Variants in STAP1 observed in about 807,000 individuals in gnomAD.
STAP1 encodes the protein signal-transducing adaptor protein 1.
A neutral mutation model predicts 37.8 loss-of-function variants in STAP1; 30 were observed. The ratio of observed to expected loss-of-function variants is 0.79; its 90% CI spans 0.59 to 1.08. STAP1 has a LOEUF of 1.08. Among genes scored for constraint, STAP1 ranks in the 50% least tolerant of loss-of-function variants. STAP1 has a pLI of 0.00. For missense variants in STAP1, 357 were observed against 349.4 expected (o/e 1.02, Z -0.17); for synonymous variants, 130 against 116.0 (o/e 1.12, Z -0.78).
intron 6 of STAP1, 129 bp downstream of exon 6, chr4:67,583,831 G>A: frequency 9.3e-7 from 1 of 1,074,506 alleles, no homozygotes. Flanking sequence ...GGGTGCGGTG[G>A]CTCACGCCTG....
At chr4:67,577,795 T>TG (rs1727760312) in intron 4 of STAP1, among the ~76,000 whole-genome samples, 1 of 151,804 alleles carries the variant, frequency 6.6e-6, no homozygotes, top group Admixed American at 6.6e-5. Context: ...ATTACAGGCA[T>TG]GCACCATCAT....
Position 67,582,301 on chromosome 4 carries a change from G to GTT in STAP1, c.530+839_530+840dup, listed in dbSNP as rs368595773. 3.0e-3 allele frequency among the ~76,000 whole-genome samples: 442 copies of GTT among 148,086 alleles called. 1 individual carries two copies. Among genetic ancestry groups the GTT allele is most frequent in the African/African-American group, 4.2e-3 (170 of 40,486 alleles). ...AGAGATATTTGCTATTAACATTTTA[G>GTT]TTTTTTTTTTGTTTTTTTTGTTTTT... On this transcript the variant is annotated intron_variant, in intron 5 of 8. Transcript: ENST00000265404.
intron 1 of STAP1, among the ~76,000 whole-genome samples, chr4:67,563,689 C>A (rs939319506): frequency 3.3e-5 from 5 of 152,080 alleles, no homozygotes; most frequent in South Asian, 2.1e-4. Flanking sequence ...AGCAACAGAG[C>A]GAGACCCTGT....
intron 5 of STAP1, among the ~76,000 whole-genome samples, chr4:67,581,991 T>C (rs1727871281): frequency 6.6e-6 from 1 of 152,188 alleles, no homozygotes; most frequent in Non-Finnish European, 1.5e-5. Context: ...ATTTATTTTT[T>C]ATATTATTGA....
At chr4:67,560,392 A>T (rs138929792) in intron 1 of STAP1, among the ~76,000 whole-genome samples, 3 of 152,296 alleles carry the variant, frequency 2.0e-5, no homozygotes, top group African/African-American at 7.2e-5. Flanking sequence ...TTATTCACTC[A>T]ACATTTATTG....
At chr4:67,602,983 C>T (rs1327474683) in intron 8 of STAP1, among the ~76,000 whole-genome samples, 5 of 152,118 alleles carry the variant, frequency 3.3e-5, no homozygotes, top group Admixed American at 2.0e-4. Context: ...TGAGCTCCTC[C>T]ACACCAGACC....
At chr4:67,574,932 G>A (rs908184369) in intron 2 of STAP1, among the ~76,000 whole-genome samples, 9 of 152,186 alleles carry the variant, frequency 5.9e-5, no homozygotes, top group South Asian at 4.1e-4. Context: ...ATGACCTCAC[G>A]GAGCATGTAG....
chr4:67,602,353 TTTAG>T (rs1423198377), intron 8 of STAP1, among the ~76,000 whole-genome samples: 2 of 152,202 alleles, frequency 1.3e-5, no homozygotes, highest in Non-Finnish European at 2.9e-5. Flanking sequence ...TGGTGCTTTA[TTTAG>T]TTCATTTTGT....
chr4:67,605,419 T>G (rs1222664985), intron 8 of STAP1, among the ~76,000 whole-genome samples: 2 of 150,522 alleles, frequency 1.3e-5, no homozygotes, highest in Admixed American at 1.3e-4. Context: ...TTAAGGATTT[T>G]AGAAACAGAC....
chr4:67,584,929 T>C (rs1395252428), intron 6 of STAP1, among the ~76,000 whole-genome samples: 7 of 152,190 alleles, frequency 4.6e-5, no homozygotes, highest in Admixed American at 4.6e-4. Flanking sequence ...TTTGTCAAGG[T>C]TACTAATTTC....
rs184677134 is a variant in STAP1, at chr4:67,559,379, A to G, written c.120+450A>G. On this transcript the variant is annotated intron_variant, in intron 1 of 8. Transcript: ENST00000265404. ...ATTTGAAGTTTATAATGATCAAATT[A>G]TTAAAAATGGCTTTTGTAAAAATTG... Among the ~76,000 whole-genome samples the G allele has an allele frequency of 2.0e-5, 3 of 152,264 alleles. No homozygotes were observed. The East Asian group carries it at 5.8e-4, about 29-fold the overall frequency.
intron 6 of STAP1, among the ~76,000 whole-genome samples, chr4:67,585,378 A>T (rs769207919): frequency 6.6e-6 from 1 of 152,258 alleles, no homozygotes; most frequent in Non-Finnish European, 1.5e-5. Context: ...CAAATTTAAA[A>T]CATGGCATTA....
intron 6 of STAP1, among the ~76,000 whole-genome samples, chr4:67,589,102 C>G (rs1000960660): frequency 6.6e-6 from 1 of 152,160 alleles, no homozygotes; most frequent in Non-Finnish European, 1.5e-5. Context: ...CAACGAACAG[C>G]AATCCCTTAT....
chr4:67,588,231 C>A (rs1728033832), intron 6 of STAP1, among the ~76,000 whole-genome samples: 1 of 151,886 alleles, frequency 6.6e-6, no homozygotes, highest in Admixed American at 6.6e-5. Flanking sequence ...TAAGCAACTT[C>A]AATGGATTTT....
At chr4:67,588,039 T>TAA (rs3032636) in intron 6 of STAP1, among the ~76,000 whole-genome samples, 2,299 of 85,584 alleles carry the variant, frequency 0.027, 175 homozygotes, top group African/African-American at 0.045. Context: ...CACATTTTCT[T>TAA]AAAAAAAAAA....
chr4:67,604,685 T>C (rs897370644), intron 8 of STAP1, among the ~76,000 whole-genome samples: 1 of 152,224 alleles, frequency 6.6e-6, no homozygotes, highest in East Asian at 1.9e-4. Context: ...TAATTCCTGG[T>C]TTTTCATATA....
intron 1 of STAP1, among the ~76,000 whole-genome samples, chr4:67,561,191 T>C (rs1727330252): frequency 6.6e-6 from 1 of 152,152 alleles, no homozygotes; most frequent in Non-Finnish European, 1.5e-5. Context: ...ATAATTAGAG[T>C]ACTTGAAAAT....
chr4:67,572,115 G>T (rs1048292719), intron 2 of STAP1, among the ~76,000 whole-genome samples: 1 of 152,174 alleles, frequency 6.6e-6, no homozygotes, highest in Non-Finnish European at 1.5e-5. Context: ...GCCTGCCTGG[G>T]TGTTTGTCCT....
At chr4:67,583,429 A>T in intron 5 of STAP1, 145 bp from the exon 6 acceptor site, 1 of 791,974 alleles carries the variant, frequency 1.3e-6, no homozygotes, top group Non-Finnish European at 1.9e-6. Context: ...AGAGCATTGT[A>T]ATTACATAAT....
Sources: gnomAD v4.1 joint callset for allele counts (sites outside exome capture counted in the v4.1 genomes callset) on GRCh38, gnomAD v4.1.1 for gene constraint, MANE v1.5 for transcripts, NCBI Gene and HGNC (gene_info 2026-07-23, HGNC 2026-07-21) for gene names.